The following KCNQ3 variants were observed in gnomAD, a reference collection of about 807,000 sequenced individuals.
KCNQ3 encodes the protein potassium voltage-gated channel subfamily KQT member 3.
A neutral mutation model predicts 92.5 loss-of-function variants in KCNQ3; 30 were observed. That is an observed-to-expected ratio of 0.32 (90% CI 0.24 to 0.44). The LOEUF is 0.44. KCNQ3 is among the 20% of genes least tolerant of loss of function. The probability of loss-of-function intolerance (pLI) is 1.00; values close to 1 mark genes in which losing one functional copy is unlikely to be tolerated. For missense variants in KCNQ3, 913 were observed against 1,140.3 expected (o/e 0.80, Z 2.87); for synonymous variants, 450 against 468.8 (o/e 0.96, Z 0.52).
chr8:132,353,194 C>G (rs1204230313), intron 1 of KCNQ3, among the ~76,000 whole-genome samples: 1 of 151,956 alleles, frequency 6.6e-6, no homozygotes, highest in Non-Finnish European at 1.5e-5. Flanking sequence ...CCACTGTACT[C>G]CAGCCTGGGC....
chr8:132,179,933 C>T (rs1826697899), intron 4 of KCNQ3, among the ~76,000 whole-genome samples: 1 of 152,208 alleles, frequency 6.6e-6, no homozygotes, highest in Admixed American at 6.5e-5. Context: ...GAGCCAATAC[C>T]TAACCTCAGT....
At chr8:132,327,419 C>T (rs1818092570) in intron 1 of KCNQ3, among the ~76,000 whole-genome samples, 1 of 152,170 alleles carries the variant, frequency 6.6e-6, no homozygotes, top group Non-Finnish European at 1.5e-5. Context: ...AGTAACCCGC[C>T]CCAAACCACA....
chr8:132,366,063 T>G (rs920721939), intron 1 of KCNQ3, among the ~76,000 whole-genome samples: 1 of 152,174 alleles, frequency 6.6e-6, no homozygotes, highest in Non-Finnish European at 1.5e-5. Context: ...ATAAACTATA[T>G]AGAGAAATAC....
intron 1 of KCNQ3, among the ~76,000 whole-genome samples, chr8:132,309,039 T>C (rs1817516599): frequency 6.6e-6 from 1 of 152,172 alleles, no homozygotes; most frequent in African/African-American, 2.4e-5. Context: ...CCACCCTCAA[T>C]CTGGGTGGGC....
At chr8:132,205,938 T>A (rs1424180987) in intron 1 of KCNQ3, among the ~76,000 whole-genome samples, 1 of 152,086 alleles carries the variant, frequency 6.6e-6, no homozygotes, top group Non-Finnish European at 1.5e-5. Flanking sequence ...CAGCTGCTCT[T>A]CCCTGGACCC....
intron 1 of KCNQ3, among the ~76,000 whole-genome samples, chr8:132,207,103 A>T (rs1168388635): frequency 6.6e-6 from 1 of 152,200 alleles, no homozygotes; most frequent in Non-Finnish European, 1.5e-5. Context: ...ATGTTATTAT[A>T]AATAATACTA....
At chr8:132,415,716 G>A (rs1820780408) in intron 1 of KCNQ3, among the ~76,000 whole-genome samples, 1 of 151,948 alleles carries the variant, frequency 6.6e-6, no homozygotes, top group South Asian at 2.1e-4. Context: ...CATCGTAACT[G>A]TGCATTCTCA....
intron 1 of KCNQ3, among the ~76,000 whole-genome samples, chr8:132,187,855 A>ATGG (rs1362445019): frequency 3.7e-4 from 26 of 69,822 alleles, no homozygotes; most frequent in African/African-American, 9.9e-4. Context: ...GGTGGTAGTG[A>ATGG]TGGTGGTGGT....
At chr8:132,149,287 G>C (rs923736940) in intron 9 of KCNQ3, among the ~76,000 whole-genome samples, 10 of 152,230 alleles carry the variant, frequency 6.6e-5, no homozygotes, top group African/African-American at 4.8e-5. Context: ...CAGCGGGGAG[G>C]AGCCTGGCCT....
chr8:132,178,240 T>A (rs1826634607), intron 4 of KCNQ3, among the ~76,000 whole-genome samples: 1 of 152,096 alleles, frequency 6.6e-6, no homozygotes, highest in African/African-American at 2.4e-5. Flanking sequence ...TGTCCTTTGA[T>A]AAAAGATAAA....
intron 1 of KCNQ3, among the ~76,000 whole-genome samples, chr8:132,414,144 T>C (rs942040654): frequency 9.2e-5 from 14 of 152,230 alleles, no homozygotes; most frequent in African/African-American, 3.4e-4. Context: ...TTAACCTATA[T>C]TATTTAATTT....
chr8:132,238,538 T>C (rs1004962720), intron 1 of KCNQ3, among the ~76,000 whole-genome samples: 7 of 152,182 alleles, frequency 4.6e-5, no homozygotes, highest in African/African-American at 1.7e-4. Context: ...TTTGTGTTTC[T>C]TTCTTCCTTC....
intron 1 of KCNQ3, among the ~76,000 whole-genome samples, chr8:132,245,812 A>G (rs1815154033): frequency 6.6e-6 from 1 of 152,214 alleles, no homozygotes; most frequent in Non-Finnish European, 1.5e-5. Context: ...ACATCCTTGT[A>G]CATGCCTTCC....
At chr8:132,453,419 A>T in intron 1 of KCNQ3, among the ~76,000 whole-genome samples, 1 of 152,204 alleles carries the variant, frequency 6.6e-6, no homozygotes, top group East Asian at 1.9e-4. Context: ...ATGAGGCCTG[A>T]GAGGTCGGGC....
At chr8:132,236,281 G>A (rs1018153564) in intron 1 of KCNQ3, among the ~76,000 whole-genome samples, 11 of 152,246 alleles carry the variant, frequency 7.2e-5, no homozygotes, top group Middle Eastern at 3.4e-3. Context: ...TTTTAAAAAC[G>A]CTTTCCTAGG....
chr8:132,247,876 CACTT>C (rs918375154), intron 1 of KCNQ3, among the ~76,000 whole-genome samples: 4 of 151,816 alleles, frequency 2.6e-5, no homozygotes, highest in African/African-American at 7.3e-5. Flanking sequence ...CAGTAACAAA[CACTT>C]ACGTATCACT....
At chr8:132,176,555 T>C (rs748995558) in intron 4 of KCNQ3, among the ~76,000 whole-genome samples, 44 of 152,228 alleles carry the variant, frequency 2.9e-4, no homozygotes, top group Non-Finnish European at 6.0e-4. Flanking sequence ...ATATCCTTCC[T>C]GTATCTGACC....
At chr8:132,136,845 AT>A (rs1448759172) in intron 12 of KCNQ3, among the ~76,000 whole-genome samples, 4 of 146,524 alleles carry the variant, frequency 2.7e-5, no homozygotes, top group African/African-American at 1.0e-4. Context: ...TCTAAATATT[AT>A]TTTACGGCTG....
intron 1 of KCNQ3, among the ~76,000 whole-genome samples, chr8:132,472,593 C>A (rs556034489): frequency 6.6e-6 from 1 of 151,986 alleles, no homozygotes; most frequent in Non-Finnish European, 1.5e-5. Context: ...TGATAGATAC[C>A]AGAGGCTTGG....
Sources: gnomAD v4.1 joint callset for allele counts (sites outside exome capture counted in the v4.1 genomes callset) on GRCh38, gnomAD v4.1.1 for gene constraint, MANE v1.5 for transcripts, NCBI Gene and HGNC (gene_info 2026-07-23, HGNC 2026-07-21) for gene names.